The following TRPC4 variants were observed in gnomAD, a reference collection of about 807,000 sequenced individuals.
The protein encoded by TRPC4 is transient receptor potential cation channel subfamily C member 4, also known as short transient receptor potential channel 4.
In TRPC4, 49 loss-of-function variants were observed where a neutral mutation model predicts 99.4. That is an observed-to-expected ratio of 0.49 (90% CI 0.39 to 0.63). The LOEUF (loss-of-function observed/expected upper bound fraction) is 0.63, where lower values mean the gene tolerates loss of function less well. TRPC4 is among the 20% of genes least tolerant of loss of function. The pLI is 0.00. For synonymous variants in TRPC4, 454 were observed against 425.9 expected (o/e 1.07, Z -0.81); for missense variants, 898 against 1,152.9 (o/e 0.78, Z 3.20).
intron 1 of TRPC4, among the ~76,000 whole-genome samples, chr13:37,833,220 A>C (rs9548061): frequency 6.6e-6 from 1 of 151,456 alleles, no homozygotes; most frequent in South Asian, 2.1e-4. Context: ...TTTTCTGCCA[A>C]TTTTTTCTGA....
chr13:37,639,275 T>G lies in TRPC4; in HGVS notation c.2104A>C (p.Arg702=), dbSNP rs746123922. ...IGRRAADNLR[R]HHQYQEVMRN... Reference sequence around the variant, plus strand: ...CAACTTACTTGGTATTGGTGATGTCTTCTCAAGTTATCAGCAGCTCGCCTC... The same window carrying G: ...CAACTTACTTGGTATTGGTGATGTCGTCTCAAGTTATCAGCAGCTCGCCTC... Residue 702 remains arginine, a synonymous_variant, in exon 9 of 11, where the codon AGA becomes CGA. Coordinates refer to ENST00000379705, the MANE Select transcript of TRPC4 (RefSeq NM_016179.4). 6.2e-7 allele frequency: 1 copy of G among 1,613,742 alleles called. No individual in the cohort carries two copies.
chr13:37,859,116 G>C (rs942311337), intron 1 of TRPC4, among the ~76,000 whole-genome samples: 15 of 151,236 alleles, frequency 9.9e-5, no homozygotes, highest in Non-Finnish European at 2.1e-4. Context: ...AAATAAATCA[G>C]TTTACAGATA....
In TRPC4 at chr13:37,842,287, C is replaced by T. The variant is rs917579233; in HGVS notation, c.-28+27308G>A. Among the ~76,000 whole-genome samples the T allele has an allele frequency of 1.5e-4, 16 of 105,526 alleles. No homozygotes were observed. In the Admixed American group the frequency reaches 1.9e-3, roughly 12 times the overall value. 69.2% of individuals were successfully genotyped at this position (105,526 alleles called of 152,430 possible). On this transcript the variant is annotated intron_variant, in intron 1 of 10. Coordinates refer to ENST00000379705, the MANE Select transcript of TRPC4 (RefSeq NM_016179.4). ...TCAATCTCAAAAAAAAAAAAAAAAC[C>T]TTATACAGATGGAAAACACATTAGT...
rs147290307 is a variant in TRPC4 at position 37,660,528 on chromosome 13, G to A, written c.1688+2888C>T. Among the ~76,000 whole-genome samples the A allele has an allele frequency of 1.9e-4, 29 of 152,172 alleles. No individual in the cohort carries two copies. In the East Asian group the frequency reaches 5.6e-3, roughly 29 times the overall value. On this transcript the variant is annotated intron_variant, in intron 6 of 10. Coordinates refer to ENST00000379705, the MANE Select transcript of TRPC4 (RefSeq NM_016179.4). ...TGGATGAAAGGAATGAAACAGGAGTGGTAGCTAATGGGAAATATTGGGTTC... is the reference window on the plus strand; with the variant it reads ...TGGATGAAAGGAATGAAACAGGAGTAGTAGCTAATGGGAAATATTGGGTTC...
At chr13:37,783,525 T>C (rs899585585) in intron 1 of TRPC4, among the ~76,000 whole-genome samples, 165 bp from the exon 2 acceptor site, 1 of 151,782 alleles carries the variant, frequency 6.6e-6, no homozygotes, top group Non-Finnish European at 1.5e-5. Flanking sequence ...AAATACTAAA[T>C]AGTTGTTCAA....
intron 1 of TRPC4, among the ~76,000 whole-genome samples, chr13:37,812,300 A>G (rs1305609858): frequency 2.0e-5 from 3 of 151,894 alleles, no homozygotes; most frequent in Non-Finnish European, 4.4e-5. Flanking sequence ...AGTAAAATTT[A>G]TAGTATCTAT....
intron 2 of TRPC4, among the ~76,000 whole-genome samples, chr13:37,779,909 T>C (rs1349891123): frequency 6.6e-6 from 1 of 152,084 alleles, no homozygotes; most frequent in Non-Finnish European, 1.5e-5. Flanking sequence ...ACTAACATTT[T>C]GTGTTTGCCA....
At chr13:37,683,314 A>G (rs1378227451) in intron 4 of TRPC4, among the ~76,000 whole-genome samples, 4 of 152,140 alleles carry the variant, frequency 2.6e-5, no homozygotes, top group Admixed American at 2.6e-4. Context: ...AGGTTTGGCC[A>G]TAGGGTAGCC....
At chr13:37,783,830 A>G (rs1194273630) in intron 1 of TRPC4, among the ~76,000 whole-genome samples, 1 of 152,040 alleles carries the variant, frequency 6.6e-6, no homozygotes, top group Non-Finnish European at 1.5e-5. Flanking sequence ...TTTGCAAAAT[A>G]TTGTTAATTT....
chr13:37,767,316 T>C (rs1298454715), intron 2 of TRPC4, among the ~76,000 whole-genome samples: 1 of 141,084 alleles, frequency 7.1e-6, no homozygotes, highest in Non-Finnish European at 1.5e-5. Context: ...TAAAACACAC[T>C]CCCCAGAGAT....
At chr13:37,867,080 A>C (rs545282655) in intron 1 of TRPC4, among the ~76,000 whole-genome samples, 28 of 151,952 alleles carry the variant, frequency 1.8e-4, no homozygotes. Flanking sequence ...TTTTGGAAAA[A>C]GGAAAATTTA....
chr13:37,675,163 G>T lies in TRPC4; in HGVS notation c.1235-796C>A, dbSNP rs148674415. On this transcript the variant is annotated intron_variant, in intron 4 of 10. Transcript: ENST00000379705. ...TTTTTAGGATAATACTCTGAAACAT[G>T]AAATTTAGAGTTGAAGATCTTCCTA... Among the ~76,000 whole-genome samples, 294 of 152,222 alleles carry T rather than the reference G, an allele frequency of 1.9e-3. 3 individuals are homozygous for T. The highest frequency in any genetic ancestry group is 6.5e-3 in the African/African-American group (269 of 41,546).
At chr13:37,842,847 G>A (rs1958783828) in intron 1 of TRPC4, among the ~76,000 whole-genome samples, 1 of 152,202 alleles carries the variant, frequency 6.6e-6, no homozygotes, top group African/African-American at 2.4e-5. Context: ...AAATAAGGAT[G>A]AGAAATGGAA....
At chr13:37,685,956 T>C (rs1953458641) in intron 4 of TRPC4, among the ~76,000 whole-genome samples, 1 of 152,164 alleles carries the variant, frequency 6.6e-6, no homozygotes, top group Admixed American at 6.6e-5. Flanking sequence ...GAGGGTCATA[T>C]GTCGCACTGT....
intron 4 of TRPC4, among the ~76,000 whole-genome samples, chr13:37,678,181 T>G (rs981147309): frequency 6.6e-5 from 10 of 152,114 alleles, no homozygotes; most frequent in African/African-American, 2.2e-4. Context: ...GAGGGGTTCA[T>G]CTCAGTGATT....
intron 10 of TRPC4, among the ~76,000 whole-genome samples, chr13:37,637,948 C>T (rs931684992): frequency 1.3e-5 from 2 of 152,132 alleles, no homozygotes; most frequent in African/African-American, 2.4e-5. Context: ...TATTCATCTG[C>T]TGCCAAGTTA....
Position 37,664,206 on chromosome 13 carries a change from C to T in TRPC4, c.1375-477G>A, listed in dbSNP as rs570603695. On this transcript the variant is annotated intron_variant, in intron 5 of 10. Transcript: ENST00000379705. ...AATTAAAATGTCAGATTTGAATTATCCTGCTATTAAAACATATAAAAAGCA... is the reference window on the plus strand; with the variant it reads ...AATTAAAATGTCAGATTTGAATTATTCTGCTATTAAAACATATAAAAAGCA... Among the ~76,000 whole-genome samples the T allele has an allele frequency of 5.9e-5, 9 of 152,210 alleles. No homozygotes were observed. The South Asian group carries it at 1.7e-3, about 28-fold the overall frequency.
intron 8 of TRPC4, among the ~76,000 whole-genome samples, chr13:37,643,598 A>G (rs773197918): frequency 6.6e-6 from 1 of 152,212 alleles, no homozygotes; most frequent in Non-Finnish European, 1.5e-5. Flanking sequence ...AGGGTTAGAA[A>G]GTGAGAGGCA....
chr13:37,636,231 C>T lies in TRPC4; in HGVS notation c.*672G>A, dbSNP rs956988425. 6.6e-6 allele frequency among the ~76,000 whole-genome samples: 1 copy of T among 151,822 alleles called. No individual in the cohort carries two copies. Among genetic ancestry groups the T allele is most frequent in the African/African-American group, 2.4e-5 (1 of 41,448 alleles). ...GCGAGTTTTTTTCCTGACAAAATGT[C>T]GTTAAAAATCATCAGTCATCAAAAT... is the stretch of plus-strand genomic sequence containing the variant. On this transcript the variant is annotated 3_prime_UTR_variant, in exon 11 of 11. Coordinates refer to ENST00000379705, the MANE Select transcript of TRPC4 (RefSeq NM_016179.4).
Sources: allele counts gnomAD v4.1 joint callset (sites outside exome capture counted in the v4.1 genomes callset), GRCh38; gene constraint gnomAD v4.1.1; transcripts MANE v1.5; gene names NCBI Gene and HGNC (gene_info 2026-07-23, HGNC 2026-07-21).